MACROD2: variants seen among roughly 807,000 people sequenced by gnomAD.
The protein encoded by MACROD2 is mono-ADP ribosylhydrolase 2, also known as ADP-ribose glycohydrolase MACROD2.
Under a neutral mutation model 70.4 loss-of-function variants are expected in MACROD2, and 36 were observed. The observed-to-expected ratio is 0.51, with a 90% CI of 0.39 to 0.68. The LOEUF is 0.68. Ranked by LOEUF, MACROD2 falls within the 30% of genes least tolerant of loss-of-function variation. The pLI is 0.00. For missense variants in MACROD2, 496 were observed against 538.4 expected, an observed-to-expected ratio of 0.92 and a Z score of 0.78; for synonymous variants, 172 against 178.8, an observed-to-expected ratio of 0.96 and a Z score of 0.30.
At chr20:15,625,109 G>C (rs2049183743) in intron 8 of MACROD2, among the ~76,000 whole-genome samples, 1 of 152,114 alleles carries the variant, frequency 6.6e-6, no homozygotes, top group African/African-American at 2.4e-5. Context: ...CCTCCTGTTA[G>C]CAGTAGCTGA....
chr20:14,607,019 C>G (rs1039700282), intron 4 of MACROD2, among the ~76,000 whole-genome samples: 1 of 152,120 alleles, frequency 6.6e-6, no homozygotes, highest in African/African-American at 2.4e-5. Context: ...AGTCTTACAC[C>G]TCACATAGCA....
intron 3 of MACROD2, among the ~76,000 whole-genome samples, chr20:14,216,742 T>G (rs998923884): frequency 4.6e-5 from 7 of 152,188 alleles, no homozygotes; most frequent in Non-Finnish European, 1.0e-4. Context: ...GGTATATTCC[T>G]AAGTATTTTA....
At chr20:16,009,679 C>G (rs1180630348) in intron 15 of MACROD2, among the ~76,000 whole-genome samples, 1 of 152,078 alleles carries the variant, frequency 6.6e-6, no homozygotes, top group African/African-American at 2.4e-5. Flanking sequence ...ATCACTTGAA[C>G]CTGGGAGGTG....
intron 4 of MACROD2, among the ~76,000 whole-genome samples, chr20:14,573,043 G>A (rs1352868295): frequency 2.3e-5 from 3 of 132,962 alleles, no homozygotes; most frequent in East Asian, 2.6e-4. Context: ...TCATTTAGAT[G>A]TCATGAAATA....
chr20:15,064,656 C>T (rs36117800), intron 5 of MACROD2, among the ~76,000 whole-genome samples: 2,737 of 152,272 alleles, frequency 0.018, 35 homozygotes, highest in Middle Eastern at 0.044. Context: ...GCATAGCAAT[C>T]TCAACCTCCC....
rs1161885793 is a variant in MACROD2 at position 15,322,567 on chromosome 20, T to TC, written c.540+92511dup. ...TGGATGAAAACCAAAATTCGTACTC[T>TC]CCCCCGCTCAACTATTTAGCCTGAG... On this transcript the variant is annotated intron_variant, in intron 6 of 17. Transcript: ENST00000684519. Among the ~76,000 whole-genome samples, 3 of 144,304 alleles carry TC rather than the reference T, an allele frequency of 2.1e-5. No homozygotes were observed. In the South Asian group the frequency reaches 6.8e-4, roughly 33 times the overall value. The allele number at this position is 144,304 out of a possible 152,430, so 94.7% of individuals were successfully genotyped here.
At chr20:14,281,035 T>A (rs2122404346) in intron 3 of MACROD2, among the ~76,000 whole-genome samples, 1 of 152,328 alleles carries the variant, frequency 6.6e-6, no homozygotes, top group African/African-American at 2.4e-5. Context: ...TAACATTTTT[T>A]AGTTTAGAAA....
intron 6 of MACROD2, among the ~76,000 whole-genome samples, chr20:15,374,920 A>G (rs16995640): frequency 0.022 from 3,384 of 152,306 alleles, 114 homozygotes; most frequent in African/African-American, 0.076. Flanking sequence ...TGCGCAGTAA[A>G]GACCAGACAA....
intron 5 of MACROD2, among the ~76,000 whole-genome samples, chr20:14,697,187 T>C (rs1168100096): frequency 5.3e-5 from 8 of 152,200 alleles, no homozygotes; most frequent in African/African-American, 1.7e-4. Context: ...GCTAAGCTCA[T>C]GGAACTGGGC....
At chr20:14,276,582 C>G (rs141528210) in intron 3 of MACROD2, among the ~76,000 whole-genome samples, 2,303 of 151,504 alleles carry the variant, frequency 0.015, 25 homozygotes, top group African/African-American at 0.027. Context: ...ACATATGTAA[C>G]TAACCTGCAC....
chr20:14,443,249 G>A (rs1056365641), intron 3 of MACROD2, among the ~76,000 whole-genome samples: 5 of 151,432 alleles, frequency 3.3e-5, no homozygotes, highest in Non-Finnish European at 7.4e-5. Context: ...GGTGGGAAAA[G>A]ACCTACCCTT....
At chr20:14,379,299 T>A (rs2083400601) in intron 3 of MACROD2, among the ~76,000 whole-genome samples, 1 of 152,210 alleles carries the variant, frequency 6.6e-6, no homozygotes, top group African/African-American at 2.4e-5. Context: ...AATTTTCCCA[T>A]CTGTGTTATC....
chr20:14,637,674 T>A (rs1298125823), intron 4 of MACROD2, among the ~76,000 whole-genome samples: 6 of 152,332 alleles, frequency 3.9e-5, no homozygotes, highest in Admixed American at 3.9e-4. Context: ...TGAATTGGTG[T>A]CCAGGTGGTT....
intron 8 of MACROD2, among the ~76,000 whole-genome samples, chr20:15,632,685 A>G (rs746654731): frequency 1.3e-5 from 2 of 152,224 alleles, no homozygotes; most frequent in Non-Finnish European, 2.9e-5. Context: ...ATGAGGTTTC[A>G]TAGGAATAAC....
intron 3 of MACROD2, among the ~76,000 whole-genome samples, chr20:14,155,518 A>G (rs2055090505): frequency 6.6e-6 from 1 of 152,220 alleles, no homozygotes; most frequent in Non-Finnish European, 1.5e-5. Context: ...GTATTTGACT[A>G]GGGAATCCAC....
intron 5 of MACROD2, among the ~76,000 whole-genome samples, chr20:14,752,728 T>TTAA (rs1420427010): frequency 1.3e-5 from 2 of 152,140 alleles, no homozygotes; most frequent in Non-Finnish European, 2.9e-5. Flanking sequence ...CATGCCATGC[T>TTAA]TAACCGTATT....
chr20:15,966,477 C>T (rs1247700218), intron 12 of MACROD2, among the ~76,000 whole-genome samples: 1 of 152,186 alleles, frequency 6.6e-6, no homozygotes, highest in Non-Finnish European at 1.5e-5. Flanking sequence ...TGTGATGGCT[C>T]ACACCTATAA....
chr20:14,362,716 A>G (rs1372890805), intron 3 of MACROD2, among the ~76,000 whole-genome samples: 1 of 152,128 alleles, frequency 6.6e-6, no homozygotes. Context: ...AGAATTAACG[A>G]TAGATTGAAG....
intron 4 of MACROD2, among the ~76,000 whole-genome samples, chr20:14,542,538 T>C (rs2085447212): frequency 6.6e-6 from 1 of 152,222 alleles, no homozygotes; most frequent in Non-Finnish European, 1.5e-5. Context: ...ACTTAACATT[T>C]GTGCATTTCA....
Sources: gnomAD v4.1 joint callset for allele counts (sites outside exome capture counted in the v4.1 genomes callset) on GRCh38, gnomAD v4.1.1 for gene constraint, MANE v1.5 for transcripts, NCBI Gene and HGNC (gene_info 2026-07-23, HGNC 2026-07-21) for gene names.